The following DNAJC13 variants were observed in gnomAD, a reference collection of about 807,000 sequenced individuals.
DNAJC13 encodes dnaJ homolog subfamily C member 13.
DNAJC13 carries 75 observed loss-of-function variants against 290.5 expected under a neutral mutation model. That is an observed-to-expected ratio of 0.26 (90% CI 0.21 to 0.31). The LOEUF (loss-of-function observed/expected upper bound fraction) is 0.31, where lower values mean the gene tolerates loss of function less well. Ranked by LOEUF, DNAJC13 falls within the 10% of genes least tolerant of loss-of-function variation. DNAJC13 has a pLI of 1.00. For synonymous variants in DNAJC13, 862 were observed against 892.0 expected (o/e 0.97, Z 0.60); for missense variants, 2,260 against 2,674.5 (o/e 0.85, Z 3.42).
intron 1 of DNAJC13, among the ~76,000 whole-genome samples, chr3:132,424,805 A>AT (rs1939049002): frequency 6.6e-6 from 1 of 152,078 alleles, no homozygotes; most frequent in African/African-American, 2.4e-5. Flanking sequence ...TTTGTGATGT[A>AT]TTTATGGTTT....
rs559678111 is a variant in DNAJC13 at position 132,506,695 on chromosome 3, G to T, written c.4999-542G>T. Among the ~76,000 whole-genome samples the T allele has an allele frequency of 3.4e-4, 52 of 151,740 alleles. No individual in the cohort carries two copies. The South Asian group carries it at 6.5e-3, about 19-fold the overall frequency. ...GCCTCCCAAGTAGCTGGGACTACAGGCATGTATCACCACGCCCAGCCACTT... is the reference window on the plus strand; with the variant it reads ...GCCTCCCAAGTAGCTGGGACTACAGTCATGTATCACCACGCCCAGCCACTT... On this transcript the variant is annotated intron_variant, in intron 42 of 55. Transcript: ENST00000260818.
intron 27 of DNAJC13, 54 bp from the exon 28 acceptor site, chr3:132,483,321 G>A (rs1036329444): frequency 8.3e-5 from 119 of 1,432,758 alleles, no homozygotes; most frequent in Non-Finnish European, 1.1e-4. Flanking sequence ...GAAAACACTA[G>A]TGAGGTTTTT....
chr3:132,538,363 T>TA lies in DNAJC13; in HGVS notation c.*82dup, dbSNP rs1936662271. On this transcript the variant is annotated 3_prime_UTR_variant, in exon 56 of 56. Coordinates refer to ENST00000260818, the MANE Select transcript of DNAJC13 (RefSeq NM_015268.4). ...CAGCTGATACGTTGAAGCAAACTCT[T>TA]ACTGCCTTTCTCCTGGTTTCATGAC... 5.8e-6 allele frequency: 6 copies of TA among 1,043,136 alleles called. No homozygotes were observed. The highest frequency in any genetic ancestry group is 8.6e-6 in the Non-Finnish European group (6 of 696,686). 64.6% of individuals were successfully genotyped at this position (1,043,136 alleles called of 1,614,324 possible). A position where few individuals can be genotyped will look rare whatever the true frequency, so the allele number is the denominator to read the frequency against.
intron 36 of DNAJC13, among the ~76,000 whole-genome samples, chr3:132,497,634 G>A (rs780913019): frequency 7.9e-5 from 12 of 152,206 alleles, no homozygotes; most frequent in Non-Finnish European, 1.3e-4. Context: ...TTACTAATCA[G>A]AATGAGTTTG....
intron 1 of DNAJC13, among the ~76,000 whole-genome samples, chr3:132,428,025 C>T (rs1939145129): frequency 1.3e-5 from 2 of 152,158 alleles, no homozygotes; most frequent in Admixed American, 6.5e-5. Flanking sequence ...CTCTAGTTAA[C>T]GTATAGCATG....
At chr3:132,515,660 A>T (rs893286802) in intron 46 of DNAJC13, among the ~76,000 whole-genome samples, 3 of 152,196 alleles carry the variant, frequency 2.0e-5, no homozygotes, top group Non-Finnish European at 4.4e-5. Context: ...GTGTAACTTT[A>T]TACTTATATA....
intron 9 of DNAJC13, among the ~76,000 whole-genome samples, chr3:132,454,414 C>T (rs1288299735): frequency 9.3e-5 from 14 of 150,336 alleles, no homozygotes; most frequent in African/African-American, 2.7e-4. Flanking sequence ...CTCCATCTCC[C>T]GGGTTCAAGC....
chr3:132,503,862 C>T (rs150803137), intron 41 of DNAJC13, among the ~76,000 whole-genome samples: 86 of 152,070 alleles, frequency 5.7e-4, no homozygotes, highest in African/African-American at 1.9e-3. Context: ...TGATAGATCT[C>T]CCAACCTCTT....
chr3:132,454,103 T>A lies in DNAJC13; in HGVS notation c.878T>A (p.Leu293His), dbSNP rs1933507960. The A allele has an allele frequency of 6.2e-7, 1 of 1,609,016 alleles. No homozygotes were observed. The highest frequency in any genetic ancestry group is 1.3e-5 in the African/African-American group (1 of 74,568). ...ALVCDSENPQ[L>H]FTIEFIKGQV... ...GTCTGTGACTCAGAAAATCCACAAC[T>A]TTTTACCATTGAATTTATAAAAGGG... The change falls in exon 9 of 56, where the codon CTT becomes CAT. Residue 293 changes from leucine (L) to histidine (H), a missense_variant. Transcript: ENST00000260818.
Position 132,485,085 on chromosome 3 carries a change from A to G in DNAJC13, c.3267+413A>G, listed in dbSNP as rs568608683. ...GGCAACAGAGCAAGACCTTGTCTCA[A>G]AAAGAAAAGGAAAAGGCCTGTACTT... On this transcript the variant is annotated intron_variant, in intron 29 of 55. Coordinates refer to ENST00000260818, the MANE Select transcript of DNAJC13 (RefSeq NM_015268.4). Among the ~76,000 whole-genome samples the G allele has an allele frequency of 9.9e-5, 15 of 152,202 alleles. No individual in the cohort carries two copies. In the East Asian group the frequency reaches 2.5e-3, roughly 26 times the overall value.
chr3:132,463,935 C>T, intron 17 of DNAJC13, 118 bp downstream of exon 17: 1 of 1,192,162 alleles, frequency 8.4e-7, no homozygotes, highest in Non-Finnish European at 1.1e-6. Flanking sequence ...TTTTGATCCA[C>T]CTAGTTCTTT....
At position 132,505,336 on chromosome 3, in the gene DNAJC13, C is replaced by T. The variant is rs1193808620; in HGVS notation, c.4919C>T (p.Pro1640Leu). ...LKMLNSNTESPYLIWNNSTRA... is the reference protein window; with the variant it reads ...LKMLNSNTESLYLIWNNSTRA... ...ATGCTTAACAGCAACACAGAAAGTC[C>T]ATATTTGATATGGAACAATTCTACA... is the stretch of plus-strand genomic sequence containing the variant. Residue 1640 changes from proline (P) to leucine (L), a missense_variant, in exon 42 of 56, where the codon CCA (proline) becomes CTA (leucine). Physicochemically the swap from Pro to Leu is moderately conservative, Grantham distance 98. Coordinates refer to ENST00000260818, the MANE Select transcript of DNAJC13 (RefSeq NM_015268.4). 6.2e-7 allele frequency: 1 copy of T among 1,610,186 alleles called. No individual in the cohort carries two copies. Among genetic ancestry groups the T allele is most frequent in the Admixed American group, 1.7e-5 (1 of 59,392 alleles).
chr3:132,467,054 T>A, intron 19 of DNAJC13, 116 bp from the exon 20 acceptor site: 1 of 1,175,202 alleles, frequency 8.5e-7, no homozygotes, highest in East Asian at 2.8e-5. Context: ...GTTTCTTCAC[T>A]GAACCATAAC....
chr3:132,471,303 C>T, intron 20 of DNAJC13, among the ~76,000 whole-genome samples: 1 of 145,064 alleles, frequency 6.9e-6, no homozygotes, highest in Non-Finnish European at 1.5e-5. Flanking sequence ...GCTGACCCCC[C>T]ACCTCCCTCC....
Position 132,494,176 on chromosome 3 carries a change from G to A in DNAJC13, c.3858G>A (p.Trp1286Ter), listed in dbSNP as rs1219887785. 6.2e-7 allele frequency: 1 copy of A among 1,612,582 alleles called. No individual in the cohort carries two copies. The highest frequency in any genetic ancestry group is 8.5e-7 in the Non-Finnish European group (1 of 1,179,410). Reference protein sequence around the residue: ...VKLLKDTLDAWKKEVEKKPPM... With the variant: ...VKLLKDTLDA ...TTCTAAAAGATACCCTTGATGCCTGGAAGAAAGAAGTAGAAAAGAAGCCAC... is the reference window on the plus strand; with the variant it reads ...TTCTAAAAGATACCCTTGATGCCTGAAAGAAAGAAGTAGAAAAGAAGCCAC... The change falls in exon 34 of 56, where the codon TGG becomes TGA. Residue 1286 changes from tryptophan to a stop codon, truncating the protein, a stop_gained. Transcript: ENST00000260818. LOFTEE classifies it high-confidence loss of function.
chr3:132,462,387 CCT>C lies in DNAJC13; in HGVS notation c.1714-79_1714-78del. Reference sequence around the variant, plus strand: ...TTATACCTTGTGTAAAAATGTATACCCTTCTTAAGAGTAACAGCTAAATGTGT... The same window carrying C: ...TTATACCTTGTGTAAAAATGTATACCTCTTAAGAGTAACAGCTAAATGTGT... On this transcript the variant is annotated intron_variant, in intron 15 of 55. Coordinates refer to ENST00000260818, the MANE Select transcript of DNAJC13 (RefSeq NM_015268.4). 5.2e-6 allele frequency: 7 copies of C among 1,341,008 alleles called. No individual in the cohort carries two copies. In the South Asian group the frequency reaches 7.6e-5, roughly 14 times the overall value. The allele number at this position is 1,341,008 out of a possible 1,614,324, so 83.1% of individuals were successfully genotyped here.
At chr3:132,466,180 C>T (rs1040342658) in intron 18 of DNAJC13, 110 bp downstream of exon 18, 1 of 1,382,392 alleles carries the variant, frequency 7.2e-7, no homozygotes, top group African/African-American at 1.4e-5. Flanking sequence ...AGTTATTTAT[C>T]ATAGGAGTTA....
In DNAJC13 at chr3:132,462,158, A is replaced by G. The variant is rs187625234; in HGVS notation, c.1714-309A>G. Among the ~76,000 whole-genome samples the G allele has an allele frequency of 8.5e-5, 13 of 152,274 alleles. No homozygotes were observed. In the South Asian group the frequency reaches 2.3e-3, roughly 27 times the overall value. On this transcript the variant is annotated intron_variant, in intron 15 of 55. Transcript: ENST00000260818. ...TAGTACTTATTAGATACATGTATGT[A>G]TATATGATGTTTATATTTTTATTAT...
At chr3:132,435,263 G>C (rs1939356820) in intron 2 of DNAJC13, among the ~76,000 whole-genome samples, 1 of 152,180 alleles carries the variant, frequency 6.6e-6, no homozygotes, top group Admixed American at 6.5e-5. Flanking sequence ...TGAGTATTCA[G>C]TGAATGGCAT....
Sources: gnomAD v4.1 joint callset for allele counts (sites outside exome capture counted in the v4.1 genomes callset) on GRCh38, gnomAD v4.1.1 for gene constraint, MANE v1.5 for transcripts, NCBI Gene and HGNC (gene_info 2026-07-23, HGNC 2026-07-21) for gene names.